The following MACROD2 variants were observed in gnomAD, a reference collection of about 807,000 sequenced individuals.
The protein encoded by MACROD2 is mono-ADP ribosylhydrolase 2, also known as ADP-ribose glycohydrolase MACROD2.
Under a neutral mutation model 70.4 loss-of-function variants are expected in MACROD2, and 36 were observed. That is an observed-to-expected ratio of 0.51 (90% CI 0.39 to 0.68). The LOEUF (loss-of-function observed/expected upper bound fraction) is 0.68. Among genes scored for constraint, MACROD2 ranks in the 30% least tolerant of loss-of-function variants. The probability of loss-of-function intolerance (pLI) is 0.00; values close to 1 mark genes in which losing one functional copy is unlikely to be tolerated. For missense variants in MACROD2, 496 were observed against 538.4 expected, an observed-to-expected ratio of 0.92 and a Z score of 0.78; for synonymous variants, 172 against 178.8, an observed-to-expected ratio of 0.96 and a Z score of 0.30.
chr20:14,210,221 C>T (rs1450333624), intron 3 of MACROD2, among the ~76,000 whole-genome samples: 1 of 152,090 alleles, frequency 6.6e-6, no homozygotes, highest in Admixed American at 6.5e-5. Context: ...ATTCTAGGAC[C>T]AGGAAGGATA....
At chr20:14,897,934 G>A (rs1248962748) in intron 5 of MACROD2, among the ~76,000 whole-genome samples, 3 of 152,006 alleles carry the variant, frequency 2.0e-5, no homozygotes, top group Non-Finnish European at 4.4e-5. Flanking sequence ...TCCCTTTCAT[G>A]AGAAGTCTGC....
chr20:14,162,412 A>G (rs2055203498), intron 3 of MACROD2, among the ~76,000 whole-genome samples: 2 of 152,102 alleles, frequency 1.3e-5, no homozygotes, highest in Admixed American at 1.3e-4. Flanking sequence ...TTTAAATCCA[A>G]TGTTTCTTTG....
chr20:16,031,884 T>A (rs2067156733), intron 15 of MACROD2, among the ~76,000 whole-genome samples: 1 of 151,916 alleles, frequency 6.6e-6, no homozygotes, highest in African/African-American at 2.4e-5. Flanking sequence ...GGGTATGAAG[T>A]AGGGCAAGAG....
rs774354977 is a variant in MACROD2, at chr20:15,486,927, C to T, written c.572-12847C>T. ...ATGTATTGTCTTATTTACAAGACTGCGGGTTGGCTGTGGTTTAACTGATCA... is the reference window on the plus strand; with the variant it reads ...ATGTATTGTCTTATTTACAAGACTGTGGGTTGGCTGTGGTTTAACTGATCA... On this transcript the variant is annotated intron_variant, in intron 7 of 17. Coordinates refer to ENST00000684519, the MANE Select transcript of MACROD2 (RefSeq NM_001351661.2). Among the ~76,000 whole-genome samples the T allele has an allele frequency of 3.3e-5, 5 of 152,296 alleles. No individual in the cohort carries two copies. In the East Asian group the frequency reaches 5.8e-4, roughly 18 times the overall value.
Position 13,995,691 on chromosome 20 carries a change from C to A in MACROD2, c.-73C>A. The A allele has an allele frequency of 1.6e-6, 2 of 1,280,766 alleles. No homozygotes were observed. Among genetic ancestry groups the A allele is most frequent in the South Asian group, 2.4e-5 (2 of 82,900 alleles). 79.3% of individuals were successfully genotyped at this position (1,280,766 alleles called of 1,614,324 possible). A position where few individuals can be genotyped will look rare whatever the true frequency, so the allele number is the denominator to read the frequency against. On this transcript the variant is annotated 5_prime_UTR_variant, in exon 1 of 18. Transcript: ENST00000684519. The surrounding 1 kb of genome is among the most constrained non-coding windows in gnomAD (Gnocchi z 4.3). ...GCTGAGTGCCCCCTCCCACCCCTCCCACTCCACACACACCCTGTTTGCCCG... is the reference window on the plus strand; with the variant it reads ...GCTGAGTGCCCCCTCCCACCCCTCCAACTCCACACACACCCTGTTTGCCCG...
chr20:15,324,474 T>C (rs2077906512), intron 6 of MACROD2, among the ~76,000 whole-genome samples: 1 of 152,212 alleles, frequency 6.6e-6, no homozygotes, highest in African/African-American at 2.4e-5. Flanking sequence ...CTGTTTTGTA[T>C]GAGCTTTCTC....
intron 3 of MACROD2, among the ~76,000 whole-genome samples, chr20:14,236,326 A>G (rs561736907): frequency 3.9e-5 from 6 of 152,288 alleles, no homozygotes; most frequent in African/African-American, 1.4e-4. Flanking sequence ...TTTCCAGTTT[A>G]TGTAATTCTT....
chr20:14,416,735 G>C (rs545442241), intron 3 of MACROD2, among the ~76,000 whole-genome samples: 7 of 152,306 alleles, frequency 4.6e-5, no homozygotes, highest in African/African-American at 1.7e-4. Context: ...TACACACTCA[G>C]TTTGGCATTG....
intron 10 of MACROD2, among the ~76,000 whole-genome samples, chr20:15,902,073 C>G (rs953274367): frequency 6.6e-6 from 1 of 152,226 alleles, no homozygotes; most frequent in Non-Finnish European, 1.5e-5. Flanking sequence ...TGGAGCTGTG[C>G]TCCCAGAAGT....
chr20:15,258,389 C>T (rs1437103751), intron 6 of MACROD2, among the ~76,000 whole-genome samples: 1 of 152,066 alleles, frequency 6.6e-6, no homozygotes, highest in Admixed American at 6.6e-5. Context: ...ATGGCAAGTG[C>T]CCTACACAGG....
At chr20:15,598,145 C>T (rs1260037507) in intron 8 of MACROD2, among the ~76,000 whole-genome samples, 2 of 152,182 alleles carry the variant, frequency 1.3e-5, no homozygotes, top group Non-Finnish European at 2.9e-5. Context: ...AACTTTCCAC[C>T]TATGAAAAGC....
intron 8 of MACROD2, among the ~76,000 whole-genome samples, chr20:15,548,106 T>C (rs1251161493): frequency 6.6e-6 from 1 of 152,152 alleles, no homozygotes; most frequent in African/African-American, 2.4e-5. Flanking sequence ...CATTCATCCA[T>C]CCACCATCCA....
chr20:15,687,197 T>A (rs1221075649), intron 8 of MACROD2, among the ~76,000 whole-genome samples: 1 of 151,262 alleles, frequency 6.6e-6, no homozygotes. Context: ...ACTTGTTTTA[T>A]ATATTTGTGC....
chr20:15,779,900 G>A (rs1475262746), intron 8 of MACROD2, among the ~76,000 whole-genome samples: 1 of 152,012 alleles, frequency 6.6e-6, no homozygotes, highest in East Asian at 1.9e-4. Flanking sequence ...GTTTTGTATT[G>A]CTATGTTCTG....
At chr20:15,211,723 C>A (rs575084003) in intron 5 of MACROD2, among the ~76,000 whole-genome samples, 34 of 152,092 alleles carry the variant, frequency 2.2e-4, no homozygotes, top group Admixed American at 2.0e-3. Context: ...GCTTCCTGTA[C>A]AGCCTGCAGA....
At chr20:15,259,141 T>C (rs2077225941) in intron 6 of MACROD2, among the ~76,000 whole-genome samples, 1 of 151,942 alleles carries the variant, frequency 6.6e-6, no homozygotes, top group Non-Finnish European at 1.5e-5. Flanking sequence ...AACATTCTGC[T>C]GCTTATCTTT....
chr20:15,818,129 A>T (rs1013564052), intron 8 of MACROD2, among the ~76,000 whole-genome samples: 2 of 152,074 alleles, frequency 1.3e-5, no homozygotes, highest in African/African-American at 2.4e-5. Flanking sequence ...CCCAACCTAG[A>T]CCCCAAGAGA....
intron 5 of MACROD2, among the ~76,000 whole-genome samples, chr20:14,733,474 A>C (rs1179324757): frequency 6.6e-6 from 1 of 152,140 alleles, no homozygotes; most frequent in African/African-American, 2.4e-5. Flanking sequence ...TTTTATAGTT[A>C]ATAATAATTT....
intron 8 of MACROD2, among the ~76,000 whole-genome samples, chr20:15,521,944 G>A (rs1383451352): frequency 6.6e-6 from 1 of 152,228 alleles, no homozygotes; most frequent in African/African-American, 2.4e-5. Context: ...CAGGCCACAG[G>A]CCCTTCAGTG....
Sources: allele counts gnomAD v4.1 joint callset (sites outside exome capture counted in the v4.1 genomes callset), GRCh38; gene constraint gnomAD v4.1.1; non-coding constraint Gnocchi (gnomAD v3.1); transcripts MANE v1.5; gene names NCBI Gene and HGNC (gene_info 2026-07-23, HGNC 2026-07-21).